Variants in NUP160 observed in about 807,000 individuals in gnomAD.
NUP160 encodes the protein nuclear pore complex protein Nup160.
In NUP160, 94 loss-of-function variants were observed where a neutral mutation model predicts 196.9. The ratio of observed to expected loss-of-function variants is 0.48; its 90% CI spans 0.40 to 0.57. The LOEUF (loss-of-function observed/expected upper bound fraction) is 0.57. NUP160 is among the 20% of genes least tolerant of loss of function. NUP160 has a pLI of 0.00. For missense variants in NUP160, 1,638 were observed against 1,748.3 expected, an observed-to-expected ratio of 0.94 and a Z score of 1.13; for synonymous variants, 605 against 619.7, an observed-to-expected ratio of 0.98 and a Z score of 0.35.
intron 23 of NUP160, among the ~76,000 whole-genome samples, chr11:47,801,311 C>A (rs997504163): frequency 6.6e-6 from 1 of 152,042 alleles, no homozygotes; most frequent in African/African-American, 2.4e-5. Flanking sequence ...AATTATAGAT[C>A]CTGGGAAAAA....
chr11:47,824,593 G>C lies in NUP160; in HGVS notation c.1102-2429C>G, dbSNP rs185598280. ...CCACTATACTCCAGCCTGGGCAACA[G>C]AGCGACTCTATCTCAAAAAAAAATA... On this transcript the variant is annotated intron_variant, in intron 7 of 35. Coordinates refer to ENST00000378460, the Ensembl canonical transcript of NUP160. 2.8e-3 allele frequency among the ~76,000 whole-genome samples: 431 copies of C among 151,582 alleles called. 3 individuals carry two copies. The highest frequency in any genetic ancestry group is 0.014 in the Middle Eastern group (4 of 294).
At chr11:47,802,287 C>T (rs968094149) in intron 22 of NUP160, among the ~76,000 whole-genome samples, 3 of 152,010 alleles carry the variant, frequency 2.0e-5, no homozygotes, top group Non-Finnish European at 4.4e-5. Flanking sequence ...AAAAATTAGC[C>T]GGGCGTGGTG....
At chr11:47,785,167 G>T (rs889197940) in intron 32 of NUP160, 104 bp from the exon 33 acceptor site, 11 of 478,856 alleles carry the variant, frequency 2.3e-5, no homozygotes, top group African/African-American at 2.0e-4. Flanking sequence ...TTCAGACAGG[G>T]TCTTGCTCTG....
exon 11 of NUP160, chr11:47,818,081 T>G (rs200007400): frequency 6.2e-7 from 1 of 1,611,578 alleles, no homozygotes; most frequent in Non-Finnish European, 8.5e-7. Flanking sequence ...TAAAGCTTCA[T>G]TTGTGAATTG....
chr11:47,827,251 C>G (rs989369267), intron 7 of NUP160: 5 of 416,454 alleles, frequency 1.2e-5, no homozygotes, highest in African/African-American at 1.0e-4. Context: ...GTGGTCCCAG[C>G]TACCTGGGAG....
At chr11:47,786,681 A>G (rs2097664724) in intron 31 of NUP160, 127 bp from the exon 32 acceptor site, 2 of 637,506 alleles carry the variant, frequency 3.1e-6, no homozygotes, top group Admixed American at 2.3e-5. Flanking sequence ...CTACTGGAAT[A>G]TTGGCTCATC....
chr11:47,814,413 G>A lies in NUP160; in HGVS notation c.1687-998C>T, dbSNP rs1296112803. 2.6e-5 allele frequency among the ~76,000 whole-genome samples: 4 copies of A among 151,682 alleles called. No homozygotes were observed. The East Asian group carries it at 5.8e-4, about 22-fold the overall frequency. On this transcript the variant is annotated intron_variant, in intron 13 of 35. Transcript: ENST00000378460. ...CAAAACTAGCCAGGTGTGGTGGCGC[G>A]TGCCTATAATCCCAGCTACTCTGGA...
chr11:47,817,518 TG>T (rs912086161), intron 11 of NUP160, among the ~76,000 whole-genome samples: 1 of 152,004 alleles, frequency 6.6e-6, no homozygotes, highest in Non-Finnish European at 1.5e-5. Flanking sequence ...GGCTAATTTT[TG>T]TATTTTTAGT....
chr11:47,813,208 A>G, intron 14 of NUP160, 108 bp downstream of exon 14: 1 of 1,017,206 alleles, frequency 9.8e-7, no homozygotes, highest in Non-Finnish European at 1.5e-6. Context: ...TGGTGTGGTA[A>G]AGTGACCAAG....
exon 33 of NUP160, chr11:47,784,941 C>G: frequency 5.0e-6 from 8 of 1,596,046 alleles, no homozygotes; most frequent in Non-Finnish European, 6.8e-6. Flanking sequence ...GTTTATAAGC[C>G]AATTAGGCAG....
At chr11:47,778,578 C>A (rs2097658857) in exon 36 of NUP160, 1 of 152,604 alleles carries the variant, frequency 6.6e-6, no homozygotes, top group Non-Finnish European at 1.5e-5. Context: ...TTATTTAATA[C>A]TCAATTGAAG....
intron 2 of NUP160, chr11:47,841,401 C>A: frequency 2.2e-6 from 1 of 458,830 alleles, no homozygotes; most frequent in Non-Finnish European, 4.2e-6. Flanking sequence ...TCCTGACCAA[C>A]CGCTCAGAAT....
At chr11:47,819,494 T>C (rs781596018) in intron 9 of NUP160, 36 bp from the exon 10 acceptor site, 4 of 1,463,700 alleles carry the variant, frequency 2.7e-6, no homozygotes, top group African/African-American at 1.4e-5. Flanking sequence ...TATACAGAAA[T>C]GATCACTAAA....
intron 9 of NUP160, 40 bp from the exon 10 acceptor site, chr11:47,819,498 C>A (rs1851814280): frequency 1.4e-6 from 2 of 1,437,504 alleles, no homozygotes. Context: ...CAGAAATGAT[C>A]ACTAAAAATG....
intron 12 of NUP160, 55 bp downstream of exon 12, chr11:47,815,891 T>C: frequency 7.4e-7 from 1 of 1,346,034 alleles, no homozygotes; most frequent in Non-Finnish European, 1.1e-6. Context: ...TCAGTACCAA[T>C]CTGCCCTATA....
intron 12 of NUP160, 85 bp downstream of exon 12, chr11:47,815,861 G>T: frequency 8.9e-7 from 1 of 1,125,824 alleles, no homozygotes; most frequent in Non-Finnish European, 1.3e-6. Flanking sequence ...GTCAAGTGAA[G>T]AATTCCAGTA....
At chr11:47,831,161 TCAACAACAACAA>T (rs75205280) in intron 7 of NUP160, among the ~76,000 whole-genome samples, 1 of 150,848 alleles carries the variant, frequency 6.6e-6, no homozygotes, top group African/African-American at 2.4e-5. Flanking sequence ...AGATTCCATC[TCAACAACAACAA>T]CAACAACAAC....
At chr11:47,805,077 C>T (rs2097676652) in intron 20 of NUP160, among the ~76,000 whole-genome samples, 1 of 152,086 alleles carries the variant, frequency 6.6e-6, no homozygotes, top group African/African-American at 2.4e-5. Flanking sequence ...GGACATCCAG[C>T]ACATAACATG....
At chr11:47,839,009 AAAAAAAAG>A (rs1283565389) in intron 4 of NUP160, among the ~76,000 whole-genome samples, 4 of 134,080 alleles carry the variant, frequency 3.0e-5, no homozygotes, top group Non-Finnish European at 3.1e-5. Flanking sequence ...ATCTCAAAAA[AAAAAAAAG>A]AATAAAAGAA....
Sources: gnomAD v4.1 joint callset for allele counts (sites outside exome capture counted in the v4.1 genomes callset) on GRCh38, gnomAD v4.1.1 for gene constraint, MANE v1.5 for transcripts, NCBI Gene and HGNC (gene_info 2026-07-23, HGNC 2026-07-21) for gene names.